The following KAT2B variants were observed in gnomAD, a reference collection of about 807,000 sequenced individuals.
KAT2B encodes the protein histone acetyltransferase KAT2B.
KAT2B carries 36 observed loss-of-function variants against 105.9 expected under a neutral mutation model. That is an observed-to-expected ratio of 0.34 (90% CI 0.26 to 0.45). The LOEUF (loss-of-function observed/expected upper bound fraction) is 0.45, where lower values mean the gene tolerates loss of function less well. KAT2B is among the 20% of genes least tolerant of loss of function. The probability of loss-of-function intolerance (pLI) is 1.00; values close to 1 mark genes in which losing one functional copy is unlikely to be tolerated. For missense variants in KAT2B, 820 were observed against 1,021.6 expected (o/e 0.80, Z 2.69); for synonymous variants, 397 against 377.9 (o/e 1.05, Z -0.59).
At chr3:20,067,674 T>C (rs1389067777) in intron 1 of KAT2B, among the ~76,000 whole-genome samples, 1 of 152,152 alleles carries the variant, frequency 6.6e-6, no homozygotes, top group Non-Finnish European at 1.5e-5. Flanking sequence ...TTTATTTTTT[T>C]ATATTTTTTT....
Position 20,100,028 on chromosome 3 carries a change from C to CT in KAT2B, c.669+75dup, listed in dbSNP as rs962352032. On this transcript the variant is annotated intron_variant, in intron 4 of 17. Transcript: ENST00000263754. ...ATCTTTTAATCCTCCTTTTATATCTCTATCTACGGCTTCCCTCCTCCATAC... is the reference window on the plus strand; with the variant it reads ...ATCTTTTAATCCTCCTTTTATATCTCTTATCTACGGCTTCCCTCCTCCATAC... 8.7e-5 allele frequency: 68 copies of CT among 778,808 alleles called. No individual in the cohort carries two copies. The African/African-American group carries it at 1.0e-3, about 12-fold the overall frequency. The allele number at this position is 778,808 out of a possible 1,614,324, so 48.2% of individuals were successfully genotyped here.
intron 5 of KAT2B, among the ~76,000 whole-genome samples, chr3:20,103,180 C>T (rs756121808): frequency 6.6e-5 from 10 of 152,058 alleles, no homozygotes; most frequent in Non-Finnish European, 1.3e-4. Flanking sequence ...TATTGAAACT[C>T]TGCTATATTA....
Position 20,072,419 on chromosome 3 carries a change from C to T in KAT2B, c.390C>T (p.Val130=), listed in dbSNP as rs1325420325. Residue 130 remains valine (V), a synonymous_variant, in exon 2 of 18, where the codon GTC becomes GTT. Coordinates refer to ENST00000263754, the MANE Select transcript of KAT2B (RefSeq NM_003884.5). ...GAGCCGACCTGCAGCAAATAATTGTCAGTCTAACAGAATCCTGTCGGAGTT... is the reference window on the plus strand; with the variant it reads ...GAGCCGACCTGCAGCAAATAATTGTTAGTCTAACAGAATCCTGTCGGAGTT... ...PPRADLQQII[V]SLTESCRSCS... The T allele has an allele frequency of 1.9e-6, 3 of 1,613,788 alleles. No homozygotes were observed. The highest frequency in any genetic ancestry group is 2.5e-6 in the Non-Finnish European group (3 of 1,179,660).
chr3:20,069,529 C>CTTTTTT (rs754535544), intron 1 of KAT2B, among the ~76,000 whole-genome samples: 4 of 81,556 alleles, frequency 4.9e-5, no homozygotes, highest in East Asian at 3.7e-4. Context: ...CTTTTCTTTT[C>CTTTTTT]TTTTTTTTTT....
At chr3:20,078,887 T>C (rs1698468399) in intron 2 of KAT2B, among the ~76,000 whole-genome samples, 1 of 150,218 alleles carries the variant, frequency 6.7e-6, no homozygotes, top group Non-Finnish European at 1.5e-5. Context: ...CTTTTTTTTT[T>C]TTTTTGAGAA....
rs937916794 is a variant in KAT2B, at chr3:20,149,659, A to G, written c.2305+1172A>G. 6.6e-5 allele frequency among the ~76,000 whole-genome samples: 10 copies of G among 152,198 alleles called. No individual in the cohort carries two copies. The East Asian group carries it at 1.9e-3, about 29-fold the overall frequency. ...TTTATATATTTGTAGTAATGATTTC[A>G]GTAGCCTACACCCTTTAAAGTGAAC... On this transcript the variant is annotated intron_variant, in intron 17 of 17. Coordinates refer to ENST00000263754, the MANE Select transcript of KAT2B (RefSeq NM_003884.5).
chr3:20,048,381 G>A (rs190344884), intron 1 of KAT2B, among the ~76,000 whole-genome samples: 4 of 152,322 alleles, frequency 2.6e-5, no homozygotes, highest in Admixed American at 2.6e-4. Flanking sequence ...TTTAGGAAGT[G>A]TGTGCTTGGA....
At chr3:20,119,023 C>T (rs931771190) in intron 7 of KAT2B, among the ~76,000 whole-genome samples, 1 of 151,914 alleles carries the variant, frequency 6.6e-6, no homozygotes, top group Non-Finnish European at 1.5e-5. Flanking sequence ...TTTTCCATTG[C>T]ATCAGGAGGC....
intron 17 of KAT2B, among the ~76,000 whole-genome samples, chr3:20,150,286 CTTGTAT>C (rs1407809789): frequency 6.6e-6 from 1 of 152,174 alleles, no homozygotes; most frequent in African/African-American, 2.4e-5. Context: ...CCAAGATTAT[CTTGTAT>C]TTGAAGACAA....
intron 15 of KAT2B, 52 bp from the exon 16 acceptor site, chr3:20,148,191 C>A: frequency 1.3e-6 from 2 of 1,490,954 alleles, no homozygotes; most frequent in South Asian, 1.1e-5. Flanking sequence ...AATCAGCTGG[C>A]AATAGGGTAA....
At position 20,117,051 on chromosome 3, in the gene KAT2B, A is replaced by G. The variant is rs77307755; in HGVS notation, c.1150+2063A>G. On this transcript the variant is annotated intron_variant, in intron 7 of 17. Transcript: ENST00000263754. ...ACCAAAGTTATTCAGCAGGATCAAC[A>G]TAGTTCTCCTGTGGTGGGTCTGTGG... 2.8e-3 allele frequency among the ~76,000 whole-genome samples: 423 copies of G among 152,250 alleles called. 2 individuals are homozygous for G. The highest frequency in any genetic ancestry group is 9.6e-3 in the African/African-American group (399 of 41,538).
chr3:20,055,973 C>G (rs1030199052), intron 1 of KAT2B, among the ~76,000 whole-genome samples: 1 of 152,110 alleles, frequency 6.6e-6, no homozygotes, highest in African/African-American at 2.4e-5. Context: ...TAGTTAATTT[C>G]TATTTATTGC....
In KAT2B at chr3:20,115,126, C is replaced by T. The variant is rs1699183229; in HGVS notation, c.1150+138C>T. The T allele has an allele frequency of 8.2e-6, 5 of 611,266 alleles. No homozygotes were observed. The Admixed American group carries it at 1.2e-4, about 15-fold the overall frequency. 37.9% of individuals were successfully genotyped at this position (611,266 alleles called of 1,614,324 possible). On this transcript the variant is annotated intron_variant, in intron 7 of 17. Transcript: ENST00000263754. Reference sequence around the variant, plus strand: ...TAGTCAAATGCTGGCTATTTTCAAACCCAATTATAGTCTCAGTCGATGGCT... The same window carrying T: ...TAGTCAAATGCTGGCTATTTTCAAATCCAATTATAGTCTCAGTCGATGGCT...
chr3:20,120,854 G>A (rs1226000729), intron 8 of KAT2B, among the ~76,000 whole-genome samples: 1 of 150,680 alleles, frequency 6.6e-6, no homozygotes, highest in African/African-American at 2.4e-5. Flanking sequence ...GGAAAGAAGA[G>A]GACCTTATAA....
At chr3:20,054,849 C>T (rs901145305) in intron 1 of KAT2B, among the ~76,000 whole-genome samples, 3 of 152,194 alleles carry the variant, frequency 2.0e-5, no homozygotes, top group African/African-American at 7.2e-5. Context: ...TGACTCATCC[C>T]ACCTCGAAAG....
At chr3:20,050,299 A>C (rs1375986161) in intron 1 of KAT2B, among the ~76,000 whole-genome samples, 1 of 152,162 alleles carries the variant, frequency 6.6e-6, no homozygotes, top group African/African-American at 2.4e-5. Flanking sequence ...ATTAAAAAAA[A>C]CTTTTAGTTG....
At chr3:20,087,578 A>T (rs1360863621) in intron 2 of KAT2B, among the ~76,000 whole-genome samples, 1 of 152,178 alleles carries the variant, frequency 6.6e-6, no homozygotes, top group African/African-American at 2.4e-5. Flanking sequence ...ATTATTAATG[A>T]TAGTCACCAT....
intron 1 of KAT2B, among the ~76,000 whole-genome samples, chr3:20,050,054 G>C (rs1318761304): frequency 3.3e-5 from 5 of 151,964 alleles, no homozygotes; most frequent in Non-Finnish European, 7.4e-5. Flanking sequence ...ACAAATATTA[G>C]CAGGGCGTGG....
In KAT2B at chr3:20,088,625, C is replaced by T. The variant is rs1000234907; in HGVS notation, c.431-6638C>T. Among the ~76,000 whole-genome samples, 92 of 152,172 alleles carry T rather than the reference C, an allele frequency of 6.0e-4. 2 individuals are homozygous for T. Among genetic ancestry groups the T allele is most frequent in the Non-Finnish European group, 1.0e-4 (7 of 68,014 alleles). On this transcript the variant is annotated intron_variant, in intron 2 of 17. Transcript: ENST00000263754. Reference sequence around the variant, plus strand: ...TCTTACCATTGAGTTGTATAAGTTCCTTATATATTTTGGATATTAGCTTCA... The same window carrying T: ...TCTTACCATTGAGTTGTATAAGTTCTTTATATATTTTGGATATTAGCTTCA...
Sources: allele counts gnomAD v4.1 joint callset (sites outside exome capture counted in the v4.1 genomes callset), GRCh38; gene constraint gnomAD v4.1.1; transcripts MANE v1.5; gene names NCBI Gene and HGNC (gene_info 2026-07-23, HGNC 2026-07-21).